The following STMN2 variants were observed in gnomAD, a reference collection of about 807,000 sequenced individuals.
STMN2 encodes the protein stathmin-2.
Under a neutral mutation model 24.1 loss-of-function variants are expected in STMN2, and 2 were observed. The ratio of observed to expected loss-of-function variants is 0.08; its 90% CI spans 0.03 to 0.26. The LOEUF (loss-of-function observed/expected upper bound fraction) is 0.26, where lower values mean the gene tolerates loss of function less well. STMN2 is among the 10% of genes least tolerant of loss of function. STMN2 has a pLI of 1.00. For synonymous variants in STMN2, 83 were observed against 77.5 expected (o/e 1.07, Z -0.37); for missense variants, 114 against 213.6 (o/e 0.53, Z 2.91).
At chr8:79,657,545 G>A (rs559607534) in intron 4 of STMN2, among the ~76,000 whole-genome samples, 3 of 152,266 alleles carry the variant, frequency 2.0e-5, no homozygotes, top group East Asian at 1.9e-4. Flanking sequence ...CTAGTGGTTC[G>A]TAGCCTGTTC....
intron 1 of STMN2, chr8:79,611,583 T>TA (rs1035269387): frequency 5.4e-6 from 1 of 184,094 alleles, no homozygotes; most frequent in African/African-American, 2.4e-5. Context: ...CCTTTTTTTT[T>TA]TTTATTTCTT....
chr8:79,612,882 T>C (rs1809274139), intron 1 of STMN2, among the ~76,000 whole-genome samples: 1 of 152,036 alleles, frequency 6.6e-6, no homozygotes, highest in Non-Finnish European at 1.5e-5. Context: ...GAACCTCTTT[T>C]TTCAGCCCCG....
chr8:79,631,003 TG>T (rs1809789537), intron 1 of STMN2, among the ~76,000 whole-genome samples: 1 of 152,222 alleles, frequency 6.6e-6, no homozygotes, highest in South Asian at 2.1e-4. Context: ...CAGTGTCATT[TG>T]GTCTCTATCA....
intron 3 of STMN2, among the ~76,000 whole-genome samples, chr8:79,647,044 G>T (rs890720476): frequency 6.6e-6 from 1 of 152,090 alleles, no homozygotes; most frequent in African/African-American, 2.4e-5. Context: ...AAGCAGTAAG[G>T]AGTCACTACA....
intron 1 of STMN2, chr8:79,611,608 G>C (rs1165709447): frequency 4.4e-6 from 1 of 225,356 alleles, no homozygotes; most frequent in Admixed American, 5.8e-5. Flanking sequence ...AGTTTAAGAA[G>C]AAAATAGGAA....
chr8:79,633,798 A>G (rs1471584867), intron 1 of STMN2, among the ~76,000 whole-genome samples: 1 of 152,236 alleles, frequency 6.6e-6, no homozygotes, highest in Non-Finnish European at 1.5e-5. Context: ...TATTCAGTCC[A>G]TAATAGTAAT....
chr8:79,628,073 A>T (rs1809702430), intron 1 of STMN2, among the ~76,000 whole-genome samples: 1 of 152,114 alleles, frequency 6.6e-6, no homozygotes, highest in African/African-American at 2.4e-5. Context: ...AGGAGTGCAG[A>T]TATCTTTTTG....
At chr8:79,616,545 G>T (rs983777337) in intron 1 of STMN2, among the ~76,000 whole-genome samples, 7 of 152,030 alleles carry the variant, frequency 4.6e-5, no homozygotes, top group Admixed American at 4.6e-4. Flanking sequence ...AATACATCTG[G>T]CTTGAGGCAG....
intron 4 of STMN2, among the ~76,000 whole-genome samples, chr8:79,659,339 T>C (rs1440146172): frequency 1.3e-5 from 2 of 151,786 alleles, no homozygotes; most frequent in Non-Finnish European, 2.9e-5. Flanking sequence ...TAGAGTGGTA[T>C]GAGAAGTAGA....
At chr8:79,624,258 TCCTGGCTAACAC>T (rs1809590471) in intron 1 of STMN2, among the ~76,000 whole-genome samples, 1 of 151,626 alleles carries the variant, frequency 6.6e-6, no homozygotes, top group South Asian at 2.1e-4. Flanking sequence ...ATCGAGACCA[TCCTGGCTAACAC>T]GGTGAAACCC....
At chr8:79,646,006 CT>C (rs1368445556) in intron 3 of STMN2, among the ~76,000 whole-genome samples, 2 of 151,480 alleles carry the variant, frequency 1.3e-5, no homozygotes, top group South Asian at 2.1e-4. Context: ...CATTTTTTTT[CT>C]TTCTTATTCA....
chr8:79,629,598 C>G (rs982999621), intron 1 of STMN2, among the ~76,000 whole-genome samples: 16 of 152,128 alleles, frequency 1.1e-4, no homozygotes, highest in Admixed American at 1.0e-3. Flanking sequence ...TTGAAGGACA[C>G]TGGATATTCT....
At chr8:79,663,560 C>T (rs764156755) in intron 4 of STMN2, 141 of 1,461,154 alleles carry the variant, frequency 9.6e-5, no homozygotes, top group Middle Eastern at 6.0e-4. Flanking sequence ...TAGAGTTTAA[C>T]GATAAGTTTT....
intron 3 of STMN2, among the ~76,000 whole-genome samples, chr8:79,653,692 T>C (rs1810383598): frequency 6.6e-6 from 1 of 152,216 alleles, no homozygotes. Flanking sequence ...TCAATGGTAA[T>C]CAGTATTTAA....
At chr8:79,661,525 C>CACTT (rs1449397212) in intron 4 of STMN2, among the ~76,000 whole-genome samples, 1 of 152,014 alleles carries the variant, frequency 6.6e-6, no homozygotes, top group African/African-American at 2.4e-5. Flanking sequence ...GTCTGATGAA[C>CACTT]ACTTACTATT....
chr8:79,646,926 G>T (rs904904292), intron 3 of STMN2, among the ~76,000 whole-genome samples: 1 of 152,134 alleles, frequency 6.6e-6, no homozygotes, highest in South Asian at 2.1e-4. Context: ...CAGAGCAGTG[G>T]GTAGACTAAG....
intron 4 of STMN2, among the ~76,000 whole-genome samples, chr8:79,663,277 G>A (rs762851484): frequency 6.6e-6 from 1 of 152,134 alleles, no homozygotes; most frequent in Admixed American, 6.5e-5. Flanking sequence ...CAGTGATTAA[G>A]AGAGTGAGCT....
intron 4 of STMN2, among the ~76,000 whole-genome samples, chr8:79,660,158 A>T (rs1423520777): frequency 1.3e-5 from 2 of 152,230 alleles, no homozygotes; most frequent in Admixed American, 6.5e-5. Flanking sequence ...GCAATTCAGC[A>T]TTTAGGAACC....
intron 3 of STMN2, among the ~76,000 whole-genome samples, chr8:79,646,535 A>C (rs1810221730): frequency 6.6e-6 from 1 of 152,110 alleles, no homozygotes; most frequent in East Asian, 1.9e-4. Context: ...CTTCTCTGGG[A>C]CCTGAACATT....
Sources: allele counts gnomAD v4.1 joint callset (sites outside exome capture counted in the v4.1 genomes callset), GRCh38; gene constraint gnomAD v4.1.1; transcripts MANE v1.5; gene names NCBI Gene and HGNC (gene_info 2026-07-23, HGNC 2026-07-21).